The following TMEM132C variants were observed in gnomAD, a reference collection of about 807,000 sequenced individuals.
TMEM132C encodes transmembrane protein 132C.
TMEM132C carries 29 observed loss-of-function variants against 61.4 expected under a neutral mutation model. The ratio of observed to expected loss-of-function variants is 0.47; its 90% CI spans 0.35 to 0.64. TMEM132C has a LOEUF of 0.64. Among genes scored for constraint, TMEM132C ranks in the 30% least tolerant of loss-of-function variants. The pLI, the probability that TMEM132C is intolerant of heterozygous loss-of-function variation, is 0.00. For synonymous variants in TMEM132C, 656 were observed against 633.1 expected (o/e 1.04, Z -0.54); for missense variants, 1,408 against 1,476.9 (o/e 0.95, Z 0.76).
At chr12:128,335,047 A>G (rs1593015006) in intron 1 of TMEM132C, among the ~76,000 whole-genome samples, 1 of 152,296 alleles carries the variant, frequency 6.6e-6, no homozygotes, top group African/African-American at 2.4e-5. Context: ...TCTTACATGT[A>G]TCATAGATTG....
intron 2 of TMEM132C, among the ~76,000 whole-genome samples, chr12:128,530,734 T>C (rs1217882250): frequency 1.3e-5 from 2 of 152,212 alleles, no homozygotes; most frequent in Non-Finnish European, 1.5e-5. Flanking sequence ...TGAGCCACCA[T>C]GCCCGGCCTC....
intron 1 of TMEM132C, among the ~76,000 whole-genome samples, chr12:128,276,695 C>G (rs1166874935): frequency 1.3e-5 from 2 of 152,134 alleles, no homozygotes; most frequent in Non-Finnish European, 2.9e-5. Context: ...ATTATGTTTA[C>G]TTTTGCTGTG....
Position 128,544,117 on chromosome 12 carries a change from T to G in TMEM132C, c.1121+14T>G, listed in dbSNP as rs908591212. 2.0e-6 allele frequency: 3 copies of G among 1,514,194 alleles called. No individual in the cohort carries two copies. The Admixed American group carries it at 6.6e-5, about 33-fold the overall frequency. 93.8% of individuals were successfully genotyped at this position (1,514,194 alleles called of 1,614,324 possible). The stretch of plus-strand genomic sequence containing the variant: ...CCCACGCAACAGGTAAGCGGTGCCC[T>G]CCCTGCAAGCGTGTGTGGTTCCTGG... On this transcript the variant is annotated intron_variant, in intron 3 of 8. Transcript: ENST00000435159.
intron 3 of TMEM132C, among the ~76,000 whole-genome samples, chr12:128,565,883 A>G (rs1272667340): frequency 1.3e-5 from 2 of 151,826 alleles, no homozygotes; most frequent in Non-Finnish European, 2.9e-5. Context: ...GTGAAAAAAA[A>G]AAAAAGAAAA....
At chr12:128,584,985 C>G (rs1487417090) in intron 3 of TMEM132C, among the ~76,000 whole-genome samples, 1 of 152,146 alleles carries the variant, frequency 6.6e-6, no homozygotes, top group Non-Finnish European at 1.5e-5. Context: ...TTTGGAAAAC[C>G]CTTTCACAGG....
At chr12:128,524,585 CAG>C (rs1385741015) in intron 2 of TMEM132C, among the ~76,000 whole-genome samples, 1 of 152,060 alleles carries the variant, frequency 6.6e-6, no homozygotes, top group Non-Finnish European at 1.5e-5. Context: ...AAGCTACAAA[CAG>C]TAATTTGTGA....
chr12:128,312,646 T>C (rs1013322626), intron 1 of TMEM132C, among the ~76,000 whole-genome samples: 2 of 152,068 alleles, frequency 1.3e-5, no homozygotes, highest in African/African-American at 4.8e-5. Flanking sequence ...ACCAAGAATT[T>C]CCAACAGCCA....
chr12:128,319,458 C>T (rs1210249373), intron 1 of TMEM132C, among the ~76,000 whole-genome samples: 2 of 151,934 alleles, frequency 1.3e-5, no homozygotes, highest in African/African-American at 4.8e-5. Flanking sequence ...GTACAGGACC[C>T]CTTGCCTTAG....
rs182297661 is a variant in TMEM132C at position 128,570,642 on chromosome 12, T to C, written c.1121+26539T>C. On this transcript the variant is annotated intron_variant, in intron 3 of 8. Coordinates refer to ENST00000435159, the MANE Select transcript of TMEM132C (RefSeq NM_001136103.3). This position sits in a 1 kb window ranked among gnomAD's most constrained non-coding sequence, Gnocchi z 4.7. ...ACAACGCCAGGGGACCCAGGCTCCT[T>C]TTCTCTTTCTGCTCTGCCATCTATG... is the stretch of plus-strand genomic sequence containing the variant. 1.3e-5 allele frequency among the ~76,000 whole-genome samples: 2 copies of C among 152,310 alleles called. No homozygotes were observed. The highest frequency in any genetic ancestry group is 1.3e-4 in the Admixed American group (2 of 15,300).
intron 2 of TMEM132C, among the ~76,000 whole-genome samples, chr12:128,540,632 G>A (rs57312604): frequency 0.074 from 11,277 of 152,072 alleles, 1,398 homozygotes; most frequent in African/African-American, 0.25. Flanking sequence ...CCCTCCCTGC[G>A]TTTGCCTGTT....
At chr12:128,345,438 G>T (rs1873124043) in intron 1 of TMEM132C, among the ~76,000 whole-genome samples, 1 of 152,120 alleles carries the variant, frequency 6.6e-6, no homozygotes, top group Non-Finnish European at 1.5e-5. Context: ...AGGATTACTG[G>T]GTCAAATGAT....
chr12:128,334,692 T>A (rs1872749826), intron 1 of TMEM132C, among the ~76,000 whole-genome samples: 2 of 151,612 alleles, frequency 1.3e-5, no homozygotes, highest in South Asian at 4.2e-4. Flanking sequence ...GCCTCCTGGG[T>A]TCATGCCATT....
At chr12:128,515,324 G>A (rs991602492) in intron 2 of TMEM132C, among the ~76,000 whole-genome samples, 3 of 152,220 alleles carry the variant, frequency 2.0e-5, no homozygotes, top group Admixed American at 6.5e-5. Context: ...GGGAGGATGT[G>A]ATAGCAGGAG....
At chr12:128,345,766 T>G (rs1449319942) in intron 1 of TMEM132C, among the ~76,000 whole-genome samples, 4 of 151,262 alleles carry the variant, frequency 2.6e-5, no homozygotes, top group East Asian at 3.9e-4. Flanking sequence ...GGGTTGTTTG[T>G]TTTTTTTTCT....
At chr12:128,428,387 C>G (rs1353090768) in intron 2 of TMEM132C, among the ~76,000 whole-genome samples, 2 of 152,238 alleles carry the variant, frequency 1.3e-5, no homozygotes, top group African/African-American at 4.8e-5. Flanking sequence ...ATGGTCACCC[C>G]AAGGGTTCCC....
intron 2 of TMEM132C, among the ~76,000 whole-genome samples, chr12:128,439,810 C>T (rs1869722318): frequency 6.6e-6 from 1 of 152,064 alleles, no homozygotes; most frequent in Non-Finnish European, 1.5e-5. Context: ...AAGGGAAAGG[C>T]AGGCAGCAGG....
chr12:128,515,636 G>A lies in TMEM132C; in HGVS notation c.975-28321G>A, dbSNP rs184570646. Among the ~76,000 whole-genome samples the A allele has an allele frequency of 3.5e-3, 532 of 152,192 alleles. 3 individuals carry two copies. Among genetic ancestry groups the A allele is most frequent in the African/African-American group, 0.012 (484 of 41,550 alleles). On this transcript the variant is annotated intron_variant, in intron 2 of 8. Coordinates refer to ENST00000435159, the MANE Select transcript of TMEM132C (RefSeq NM_001136103.3). Reference sequence around the variant, plus strand: ...ATCACGAGGTCAGGATATCGAGACCGTCCTGGCTAACACAGTAAAACCCCG... The same window carrying A: ...ATCACGAGGTCAGGATATCGAGACCATCCTGGCTAACACAGTAAAACCCCG...
chr12:128,573,167 G>A (rs1292032269), intron 3 of TMEM132C, among the ~76,000 whole-genome samples: 1 of 152,136 alleles, frequency 6.6e-6, no homozygotes, highest in Non-Finnish European at 1.5e-5. Flanking sequence ...GTTTATTGTG[G>A]CACTACTCAC....
chr12:128,666,483 G>A (rs1404789695), intron 4 of TMEM132C, among the ~76,000 whole-genome samples: 1 of 152,134 alleles, frequency 6.6e-6, no homozygotes, highest in African/African-American at 2.4e-5. Context: ...CAGCCTGAAT[G>A]AACTAAGACA....
Sources: allele counts gnomAD v4.1 joint callset (sites outside exome capture counted in the v4.1 genomes callset), GRCh38; gene constraint gnomAD v4.1.1; non-coding constraint Gnocchi (gnomAD v3.1); transcripts MANE v1.5; gene names NCBI Gene and HGNC (gene_info 2026-07-23, HGNC 2026-07-21).